The following LCTL variants were observed in gnomAD, a reference collection of about 807,000 sequenced individuals.
The protein encoded by LCTL is lactase-like protein.
In LCTL, 76 loss-of-function variants were observed where a neutral mutation model predicts 75.8. That is an observed-to-expected ratio of 1.00 (90% CI 0.83 to 1.21). The LOEUF is 1.21. Ranked by LOEUF, LCTL falls within the 50% of genes most tolerant of loss-of-function variation. The pLI is 0.00. For synonymous variants in LCTL, 271 were observed against 268.8 expected (o/e 1.01, Z -0.08); for missense variants, 670 against 712.4 (o/e 0.94, Z 0.68).
Position 66,563,945 on chromosome 15 carries a change from CAGGG to C in LCTL, c.332_335del (p.Ser111CysfsTer16). On this transcript the variant is annotated frameshift_variant, in exon 3 of 13. Coordinates refer to ENST00000341509, the Ensembl canonical transcript of LCTL. LOFTEE classifies it high-confidence loss of function. ...CTGTGGGCAGGAGCCGGGGCCAAGA[CAGGG>C]AGAATCGGTAGTGGTTGACGTGCAG... 6.2e-7 allele frequency: 1 copy of C among 1,614,178 alleles called. No homozygotes were observed. The highest frequency in any genetic ancestry group is 8.5e-7 in the Non-Finnish European group (1 of 1,180,044).
At chr15:66,553,008 A>C in exon 9 of LCTL, 2 of 1,476,198 alleles carry the variant, frequency 1.4e-6, no homozygotes, top group Non-Finnish European at 1.8e-6. Flanking sequence ...GGAGCCTCCT[A>C]AATCCCCATG....
intron 2 of LCTL, chr15:66,564,246 C>G (rs1434493268): frequency 1.8e-6 from 1 of 553,948 alleles, no homozygotes; most frequent in African/African-American, 1.9e-5. Flanking sequence ...CCCTAGTAAA[C>G]CTGGGTGATG....
intron 11 of LCTL, among the ~76,000 whole-genome samples, chr15:66,551,221 C>T (rs753268773): frequency 2.6e-5 from 4 of 151,380 alleles, no homozygotes; most frequent in Non-Finnish European, 5.9e-5. Context: ...GTGGCATGCC[C>T]CTGTAATCCC....
chr15:66,548,591 G>C, exon 13 of LCTL: 1 of 1,596,006 alleles, frequency 6.3e-7, no homozygotes, highest in South Asian at 1.1e-5. Context: ...ATTTGCATGT[G>C]ACTTAGCAAG....
At chr15:66,554,620 G>A (rs983527592) in intron 8 of LCTL, among the ~76,000 whole-genome samples, 17 of 152,182 alleles carry the variant, frequency 1.1e-4, no homozygotes, top group African/African-American at 4.1e-4. Flanking sequence ...ACTCACACAT[G>A]TAAAGGGATG....
At chr15:66,558,619 C>G (rs7165318) in intron 6 of LCTL, among the ~76,000 whole-genome samples, 27,207 of 151,508 alleles carry the variant, frequency 0.18, 2,550 homozygotes, top group Admixed American at 0.22. Flanking sequence ...GGGCCCTTGC[C>G]AGACCTACTG....
intron 8 of LCTL, among the ~76,000 whole-genome samples, chr15:66,556,793 C>T (rs1895750419): frequency 6.6e-6 from 1 of 152,040 alleles, no homozygotes; most frequent in Non-Finnish European, 1.5e-5. Context: ...AGGGACTCGG[C>T]AAAGTTTCAG....
At chr15:66,558,758 C>T (rs1329090999) in intron 6 of LCTL, among the ~76,000 whole-genome samples, 1 of 144,132 alleles carries the variant, frequency 6.9e-6, no homozygotes, top group Non-Finnish European at 1.5e-5. Context: ...TGCAGTGGTA[C>T]AATCTTGGCT....
intron 8 of LCTL, among the ~76,000 whole-genome samples, chr15:66,556,603 C>G (rs182096470): frequency 2.5e-4 from 38 of 152,292 alleles, no homozygotes; most frequent in Admixed American, 2.3e-3. Flanking sequence ...CCGTGCCCGG[C>G]TGACAATGGA....
chr15:66,564,491 C>CA (rs1384048689), intron 2 of LCTL, 185 bp downstream of exon 3: 2 of 655,488 alleles, frequency 3.1e-6, no homozygotes, highest in Non-Finnish European at 5.0e-6. Context: ...TGGCCCCTCC[C>CA]AAACCTTCAC....
At chr15:66,547,561 A>G (rs1426208634) in exon 13 of LCTL, 1 of 152,196 alleles carries the variant, frequency 6.6e-6, no homozygotes, top group Admixed American at 6.5e-5. Flanking sequence ...TTATTATAAA[A>G]AAGACGATAT....
chr15:66,550,834 T>C (rs888538294), intron 11 of LCTL, among the ~76,000 whole-genome samples: 17 of 152,152 alleles, frequency 1.1e-4, no homozygotes, highest in African/African-American at 3.9e-4. Flanking sequence ...CAACAGAGAA[T>C]AGAGAGCTGC....
exon 6 of LCTL, chr15:66,561,060 C>G (rs145215556): frequency 6.2e-7 from 1 of 1,614,154 alleles, no homozygotes; most frequent in Non-Finnish European, 8.5e-7. Context: ...GCTTCAGGCC[C>G]GGCGCATGGT....
intron 8 of LCTL, among the ~76,000 whole-genome samples, chr15:66,556,488 A>G (rs1895742019): frequency 6.6e-6 from 1 of 152,190 alleles, no homozygotes; most frequent in South Asian, 2.1e-4. Context: ...TACTTTTAGT[A>G]GAGACGGGGT....
chr15:66,565,552 G>A (rs1373404245), upstream of LCTL: 2 of 561,082 alleles, frequency 3.6e-6, no homozygotes, highest in Non-Finnish European at 6.2e-6. Context: ...CCGTGCCTGG[G>A]GAGCTCTGAG....
intron 12 of LCTL, 153 bp downstream of exon 13, chr15:66,549,888 A>T (rs1217283809): frequency 4.1e-6 from 2 of 485,550 alleles, no homozygotes; most frequent in Non-Finnish European, 7.4e-6. Flanking sequence ...TTATAAATAG[A>T]AATTTGACAT....
chr15:66,552,829 G>C (rs1415360696), intron 9 of LCTL, among the ~76,000 whole-genome samples, 155 bp downstream of exon 10: 1 of 152,194 alleles, frequency 6.6e-6, no homozygotes, highest in East Asian at 1.9e-4. Context: ...CATGGTAGAC[G>C]TGAGTCTGTA....
At chr15:66,558,028 G>C (rs531651641) in exon 7 of LCTL, 1 of 1,604,274 alleles carries the variant, frequency 6.2e-7, no homozygotes, top group South Asian at 1.1e-5. Flanking sequence ...GCCAGGCTTT[G>C]GCGTGGGCCT....
intron 12 of LCTL, 121 bp from the exon 14 acceptor site, chr15:66,548,726 C>A: frequency 2.0e-6 from 1 of 495,710 alleles, no homozygotes. Flanking sequence ...CTCAAATTTT[C>A]TGATTCTTAT....
Sources: gnomAD v4.1 joint callset for allele counts (sites outside exome capture counted in the v4.1 genomes callset) on GRCh38, gnomAD v4.1.1 for gene constraint, MANE v1.5 for transcripts, NCBI Gene and HGNC (gene_info 2026-07-23, HGNC 2026-07-21) for gene names.